Variants in DPYD observed in about 807,000 individuals in gnomAD.
DPYD encodes the protein dihydropyrimidine dehydrogenase, also known as dihydropyrimidine dehydrogenase [NADP(+)].
In DPYD, 109 loss-of-function variants were observed where a neutral mutation model predicts 116.2. The observed-to-expected ratio is 0.94, with a 90% CI of 0.80 to 1.10. DPYD has a LOEUF of 1.10. Among genes scored for constraint, DPYD ranks in the 50% least tolerant of loss-of-function variants. The probability of loss-of-function intolerance (pLI) is 0.00; values close to 1 mark genes in which losing one functional copy is unlikely to be tolerated. For synonymous variants in DPYD, 440 were observed against 432.0 expected (o/e 1.02, Z -0.23); for missense variants, 1,302 against 1,254.5 (o/e 1.04, Z -0.57).
chr1:97,365,401 T>C (rs1341737988), intron 16 of DPYD, among the ~76,000 whole-genome samples: 1 of 152,216 alleles, frequency 6.6e-6, no homozygotes, highest in Non-Finnish European at 1.5e-5. Flanking sequence ...AATCATGAAC[T>C]AAGACCATAG....
intron 20 of DPYD, among the ~76,000 whole-genome samples, chr1:97,123,986 T>C (rs958649648): frequency 6.6e-6 from 1 of 152,148 alleles, no homozygotes; most frequent in Non-Finnish European, 1.5e-5. Flanking sequence ...TGAAGTTCTA[T>C]CTCTCTGCAT....
intron 13 of DPYD, among the ~76,000 whole-genome samples, chr1:97,450,974 CAAA>C (rs1676383926): frequency 6.6e-6 from 1 of 151,870 alleles, no homozygotes; most frequent in Non-Finnish European, 1.5e-5. Flanking sequence ...TAAAAAGAAA[CAAA>C]GAAGGAAAAT....
chr1:97,495,007 C>T (rs573094380), intron 13 of DPYD, among the ~76,000 whole-genome samples: 3 of 152,214 alleles, frequency 2.0e-5, no homozygotes, highest in South Asian at 2.1e-4. Flanking sequence ...GAGCGGCCTG[C>T]GCATCCATGT....
intron 8 of DPYD, among the ~76,000 whole-genome samples, chr1:97,597,273 C>A (rs776168219): frequency 6.6e-5 from 10 of 152,186 alleles, no homozygotes; most frequent in Non-Finnish European, 1.5e-4. Flanking sequence ...TCAAGGTCCA[C>A]GGAGCCCTCC....
intron 5 of DPYD, among the ~76,000 whole-genome samples, chr1:97,707,258 A>C (rs2100992522): frequency 6.6e-6 from 1 of 152,188 alleles, no homozygotes; most frequent in Non-Finnish European, 1.5e-5. Context: ...CACAGTAAAA[A>C]GCCTTTACCT....
At position 97,718,689 on chromosome 1, in the gene DPYD, A is replaced by G. The variant is rs376317137; in HGVS notation, c.483+2821T>C. Among the ~76,000 whole-genome samples, 8 of 151,946 alleles carry G rather than the reference A, an allele frequency of 5.3e-5. No homozygotes were observed. In the East Asian group the frequency reaches 1.6e-3, roughly 29 times the overall value. On this transcript the variant is annotated intron_variant, in intron 5 of 22. Coordinates refer to ENST00000370192, the MANE Select transcript of DPYD (RefSeq NM_000110.4). ...TGATTTGACATGCAGCTAATTTTCT[A>G]TGTAAAATCGTTTTTTTTCAAACTT...
chr1:97,223,289 A>C (rs529576773), intron 19 of DPYD, among the ~76,000 whole-genome samples: 1 of 152,048 alleles, frequency 6.6e-6, no homozygotes, highest in East Asian at 1.9e-4. Flanking sequence ...TGTGACCATG[A>C]CTTTCCACAG....
At chr1:97,207,563 T>A (rs1215364821) in intron 19 of DPYD, among the ~76,000 whole-genome samples, 1 of 152,148 alleles carries the variant, frequency 6.6e-6, no homozygotes, top group Non-Finnish European at 1.5e-5. Flanking sequence ...TAGTCCCCTT[T>A]AACACTAACT....
In DPYD at chr1:97,910,384, T is replaced by C. The variant is rs1425467952; in HGVS notation, c.39+10500A>G. ...CTAAAATAACATATTGTCAAAGAGA[T>C]AAATCACTGAAGTCAAACAATAGGT... is the stretch of plus-strand genomic sequence containing the variant. On this transcript the variant is annotated intron_variant, in intron 1 of 22. Transcript: ENST00000370192. 2.0e-5 allele frequency among the ~76,000 whole-genome samples: 3 copies of C among 152,192 alleles called. No homozygotes were observed. The East Asian group carries it at 5.8e-4, about 29-fold the overall frequency.
At chr1:97,126,034 A>C (rs2101655707) in intron 20 of DPYD, among the ~76,000 whole-genome samples, 1 of 152,278 alleles carries the variant, frequency 6.6e-6, no homozygotes, top group South Asian at 2.1e-4. Context: ...TAATTTCAAA[A>C]GTAAAACTTT....
rs371833130 is a variant in DPYD at position 97,099,795 on chromosome 1, G to A, written c.2623-1163C>T. 5.3e-5 allele frequency among the ~76,000 whole-genome samples: 8 copies of A among 152,146 alleles called. No individual in the cohort carries two copies. In the East Asian group the frequency reaches 5.8e-4, roughly 11 times the overall value. On this transcript the variant is annotated intron_variant, in intron 20 of 22. Coordinates refer to ENST00000370192, the MANE Select transcript of DPYD (RefSeq NM_000110.4). ...CATTTCAGCTTGCATAACGCCCCAG[G>A]AAAATGAGTTCTCTGGTCCTCTAGA...
At chr1:97,560,494 G>A (rs551874493) in intron 11 of DPYD, among the ~76,000 whole-genome samples, 2 of 150,516 alleles carry the variant, frequency 1.3e-5, no homozygotes, top group East Asian at 2.0e-4. Context: ...TTCTTCCCAG[G>A]TGTTTCATAA....
chr1:97,652,110 T>C (rs1658618458), intron 8 of DPYD, among the ~76,000 whole-genome samples: 1 of 152,130 alleles, frequency 6.6e-6, no homozygotes. Context: ...CATGAGTCAC[T>C]ATATTCATTC....
chr1:97,900,750 T>C (rs1467596297), intron 1 of DPYD, among the ~76,000 whole-genome samples: 1 of 151,822 alleles, frequency 6.6e-6, no homozygotes, highest in East Asian at 1.9e-4. Flanking sequence ...CTTTGCAAAC[T>C]GTTTTTTGAA....
At chr1:97,602,318 T>C (rs1237949242) in intron 8 of DPYD, among the ~76,000 whole-genome samples, 2 of 152,012 alleles carry the variant, frequency 1.3e-5, no homozygotes, top group African/African-American at 4.8e-5. Context: ...ACAAATTCTA[T>C]CGTGCCAATG....
At chr1:97,587,160 T>C (rs544643287) in intron 10 of DPYD, among the ~76,000 whole-genome samples, 78 of 152,324 alleles carry the variant, frequency 5.1e-4, no homozygotes, top group African/African-American at 7.7e-4. Context: ...AAGATAAATA[T>C]ATACAGATCC....
At chr1:97,657,322 G>A (rs1658983370) in intron 8 of DPYD, among the ~76,000 whole-genome samples, 1 of 151,914 alleles carries the variant, frequency 6.6e-6, no homozygotes, top group African/African-American at 2.4e-5. Context: ...GCAAGGATTA[G>A]GGAAAACAAA....
chr1:97,638,235 G>A (rs956216922), intron 8 of DPYD, among the ~76,000 whole-genome samples: 1 of 152,056 alleles, frequency 6.6e-6, no homozygotes, highest in African/African-American at 2.4e-5. Context: ...TGTCAGCTCA[G>A]CATACCAGGA....
chr1:97,453,801 CAT>C (rs879566785), intron 13 of DPYD, among the ~76,000 whole-genome samples: 12 of 152,068 alleles, frequency 7.9e-5, no homozygotes, highest in Middle Eastern at 3.4e-3. Flanking sequence ...GTAAATATAG[CAT>C]AGGAAAGTTA....
Sources: allele counts gnomAD v4.1 joint callset (sites outside exome capture counted in the v4.1 genomes callset), GRCh38; gene constraint gnomAD v4.1.1; transcripts MANE v1.5; gene names NCBI Gene and HGNC (gene_info 2026-07-23, HGNC 2026-07-21).